GATA4: variants seen among roughly 807,000 people sequenced by gnomAD.
GATA4 encodes GATA binding protein 4.
In GATA4, 7 loss-of-function variants were observed where a neutral mutation model predicts 37.9. The observed-to-expected ratio is 0.18, with a 90% CI of 0.11 to 0.35. The LOEUF is 0.35. Ranked by LOEUF, GATA4 falls within the 10% of genes least tolerant of loss-of-function variation. The pLI, the probability that GATA4 is intolerant of heterozygous loss-of-function variation, is 1.00. For synonymous variants in GATA4, 372 were observed against 292.6 expected (o/e 1.27, Z -2.77); for missense variants, 647 against 653.0 (o/e 0.99, Z 0.10).
At chr8:11,745,677 G>C (rs1234988426) in intron 2 of GATA4, among the ~76,000 whole-genome samples, 1 of 152,130 alleles carries the variant, frequency 6.6e-6, no homozygotes, top group Admixed American at 6.5e-5. Context: ...GAGGAGAAAA[G>C]AGAATCTCCC....
intron 1 of GATA4, among the ~76,000 whole-genome samples, chr8:11,706,598 G>T (rs777810573): frequency 6.6e-6 from 1 of 152,198 alleles, no homozygotes; most frequent in African/African-American, 2.4e-5. Flanking sequence ...TGTTTATTCC[G>T]TAAGTCTCAG....
chr8:11,689,020 G>A (rs748484382), upstream of GATA4, among the ~76,000 whole-genome samples: 4 of 152,220 alleles, frequency 2.6e-5, no homozygotes, highest in Non-Finnish European at 4.4e-5. Flanking sequence ...CAGTCTTCCA[G>A]TGGTGGACCT....
chr8:11,736,667 A>G (rs1801474821), intron 2 of GATA4, among the ~76,000 whole-genome samples: 2 of 152,188 alleles, frequency 1.3e-5, no homozygotes, highest in South Asian at 2.1e-4. Context: ...AGTCAATTGC[A>G]TTCCTCTGTC....
At chr8:11,723,126 C>T (rs1010273107) in intron 2 of GATA4, among the ~76,000 whole-genome samples, 2 of 151,964 alleles carry the variant, frequency 1.3e-5, no homozygotes, top group African/African-American at 4.8e-5. Context: ...GCTGGAGGAT[C>T]ATTTGAACCT....
chr8:11,718,937 G>A (rs949740708), intron 2 of GATA4, among the ~76,000 whole-genome samples: 8 of 152,228 alleles, frequency 5.3e-5, no homozygotes, highest in African/African-American at 1.9e-4. Flanking sequence ...TTCCGAGCAG[G>A]TGTGGGAGTT....
In GATA4 at chr8:11,759,359, C is replaced by T; in HGVS notation, c.*884C>T. On this transcript the variant is annotated 3_prime_UTR_variant, in exon 7 of 7. Coordinates refer to ENST00000532059, the MANE Select transcript of GATA4 (RefSeq NM_001308093.3). ...TGCTCAAGCCAGTCTGGCAAGCACT[C>T]AGCCCAGCCTCGAGGTCCTTCTGGG... 6.5e-6 allele frequency: 1 copy of T among 153,160 alleles called. No homozygotes were observed. The highest frequency in any genetic ancestry group is 1.5e-5 in the Non-Finnish European group (1 of 68,702). The allele number at this position is 153,160 out of a possible 1,614,324, so 9.5% of individuals were successfully genotyped here.
At chr8:11,734,431 C>T (rs1801354108) in intron 2 of GATA4, among the ~76,000 whole-genome samples, 1 of 152,192 alleles carries the variant, frequency 6.6e-6, no homozygotes, top group African/African-American at 2.4e-5. Flanking sequence ...TGCAGAAGAC[C>T]ATCATCTCAC....
chr8:11,678,947 CT>C (rs1258227414), intron 1 of GATA4, among the ~76,000 whole-genome samples: 1 of 152,314 alleles, frequency 6.6e-6, no homozygotes, highest in East Asian at 1.9e-4. Flanking sequence ...TCTCCCTGGT[CT>C]AGTCTCAAGT....
At chr8:11,685,174 C>A (rs568646192) in intron 1 of GATA4, among the ~76,000 whole-genome samples, 1 of 152,302 alleles carries the variant, frequency 6.6e-6, no homozygotes, top group African/African-American at 2.4e-5. Flanking sequence ...AAATCCATTA[C>A]ACGATCATTA....
At chr8:11,703,410 T>G (rs1799753256), upstream of GATA4, among the ~76,000 whole-genome samples, 1 of 150,772 alleles carries the variant, frequency 6.6e-6, no homozygotes, top group Non-Finnish European at 1.5e-5. Flanking sequence ...CCCTCCCCCA[T>G]ACCCTGGAAG....
chr8:11,709,580 G>GC lies in GATA4; in HGVS notation c.616+652_616+653insC, dbSNP rs1025080017. 2.0e-5 allele frequency among the ~76,000 whole-genome samples: 3 copies of GC among 151,954 alleles called. No homozygotes were observed. The highest frequency in any genetic ancestry group is 2.9e-5 in the Non-Finnish European group (2 of 67,886). On this transcript the variant is annotated intron_variant, in intron 2 of 6. Transcript: ENST00000532059. The surrounding 1 kb of genome is among the most constrained non-coding windows in gnomAD (Gnocchi z 4.3). ...TGGGCGCATCATGCGGGCAGCGGGG[G>GC]GGGGGGCGCACACGCCCGGTCAGTG...
At chr8:11,733,640 C>T (rs1203179601) in intron 2 of GATA4, among the ~76,000 whole-genome samples, 1 of 152,188 alleles carries the variant, frequency 6.6e-6, no homozygotes, top group Non-Finnish European at 1.5e-5. Flanking sequence ...ACTAATAAAT[C>T]CTCTTCGAAG....
At chr8:11,701,998 C>G (rs1209223098), upstream of GATA4, among the ~76,000 whole-genome samples, 1 of 152,218 alleles carries the variant, frequency 6.6e-6, no homozygotes, top group African/African-American at 2.4e-5. Flanking sequence ...ACAGTACAGC[C>G]TGTTATAGCC....
intron 2 of GATA4, among the ~76,000 whole-genome samples, chr8:11,714,000 A>G (rs1283324926): frequency 6.6e-6 from 1 of 152,230 alleles, no homozygotes. Context: ...CATGTACATT[A>G]CACCTCAGTG....
chr8:11,746,945 T>C (rs968876602), intron 2 of GATA4, among the ~76,000 whole-genome samples: 4 of 152,256 alleles, frequency 2.6e-5, no homozygotes, highest in African/African-American at 9.6e-5. Context: ...ACTGTTTGTG[T>C]ACCCAGAGTT....
intron 2 of GATA4, among the ~76,000 whole-genome samples, chr8:11,728,742 T>C (rs2001471): frequency 1.2e-3 from 181 of 152,320 alleles, no homozygotes; most frequent in African/African-American, 4.2e-3. Flanking sequence ...AGGGTTAGAT[T>C]GCACAGGAGG....
chr8:11,740,221 G>A (rs762003033), intron 2 of GATA4, among the ~76,000 whole-genome samples: 1 of 152,166 alleles, frequency 6.6e-6, no homozygotes, highest in Non-Finnish European at 1.5e-5. Flanking sequence ...CAAGTCAGCC[G>A]TACTACCTGT....
chr8:11,732,092 T>C (rs1179484306), intron 2 of GATA4, among the ~76,000 whole-genome samples: 1 of 152,252 alleles, frequency 6.6e-6, no homozygotes, highest in Non-Finnish European at 1.5e-5. Context: ...ATCTATCATA[T>C]TTATAATCTG....
intron 1 of GATA4, among the ~76,000 whole-genome samples, chr8:11,684,440 C>G (rs762749913): frequency 9.2e-5 from 14 of 152,192 alleles, no homozygotes; most frequent in Non-Finnish European, 1.9e-4. Context: ...TCCTTATAGT[C>G]TGTGTTCACA....
Sources: allele counts gnomAD v4.1 joint callset (sites outside exome capture counted in the v4.1 genomes callset), GRCh38; gene constraint gnomAD v4.1.1; non-coding constraint Gnocchi (gnomAD v3.1); transcripts MANE v1.5; gene names NCBI Gene and HGNC (gene_info 2026-07-23, HGNC 2026-07-21).